ADAMTS3: variants seen among roughly 807,000 people sequenced by gnomAD.
ADAMTS3 encodes ADAM metallopeptidase with thrombospondin type 1 motif 3, also known as A disintegrin and metalloproteinase with thrombospondin motifs 3.
ADAMTS3 carries 73 observed loss-of-function variants against 129.0 expected under a neutral mutation model. That is an observed-to-expected ratio of 0.57 (90% CI 0.47 to 0.69). The LOEUF (loss-of-function observed/expected upper bound fraction) is 0.69. Among genes scored for constraint, ADAMTS3 ranks in the 30% least tolerant of loss-of-function variants. The pLI, the probability that ADAMTS3 is intolerant of heterozygous loss-of-function variation, is 0.00. For synonymous variants in ADAMTS3, 477 were observed against 510.8 expected (o/e 0.93, Z 0.89); for missense variants, 1,457 against 1,514.5 (o/e 0.96, Z 0.63).
chr4:72,298,473 C>A, intron 17 of ADAMTS3, 31 bp from the exon 18 acceptor site: 1 of 1,498,848 alleles, frequency 6.7e-7, no homozygotes, highest in South Asian at 1.4e-5. Context: ...ATATGTAAAT[C>A]ACCTGAGGGT....
chr4:72,465,379 G>A (rs1718890644), intron 3 of ADAMTS3, among the ~76,000 whole-genome samples: 1 of 151,992 alleles, frequency 6.6e-6, no homozygotes, highest in African/African-American at 2.4e-5. Context: ...AAGGCTAGAG[G>A]CCAGTCTTTA....
At chr4:72,464,778 T>A (rs1268168609) in intron 3 of ADAMTS3, among the ~76,000 whole-genome samples, 1 of 152,074 alleles carries the variant, frequency 6.6e-6, no homozygotes, top group African/African-American at 2.4e-5. Flanking sequence ...CAAAATTCTA[T>A]GAGATAGTTT....
intron 4 of ADAMTS3, among the ~76,000 whole-genome samples, chr4:72,352,745 T>C (rs1017646886): frequency 1.3e-5 from 2 of 151,988 alleles, no homozygotes; most frequent in African/African-American, 4.8e-5. Flanking sequence ...TTTTAAAAGA[T>C]GCACAGATAT....
chr4:72,371,325 T>C (rs540873748), intron 4 of ADAMTS3, among the ~76,000 whole-genome samples: 1 of 152,236 alleles, frequency 6.6e-6, no homozygotes, highest in South Asian at 2.1e-4. Context: ...ACTGTCATGC[T>C]GCATAAGAAG....
chr4:72,447,975 C>T (rs964132465), intron 3 of ADAMTS3, among the ~76,000 whole-genome samples: 1 of 151,670 alleles, frequency 6.6e-6, no homozygotes, highest in African/African-American at 2.4e-5. Flanking sequence ...TTTTTTTATA[C>T]TGAGTAGATA....
At chr4:72,351,202 G>A (rs536166665) in intron 4 of ADAMTS3, among the ~76,000 whole-genome samples, 2 of 152,104 alleles carry the variant, frequency 1.3e-5, no homozygotes, top group South Asian at 4.1e-4. Context: ...TAAAGCAAGA[G>A]AGTAAATGCA....
chr4:72,461,316 T>C (rs1363553000), intron 3 of ADAMTS3, among the ~76,000 whole-genome samples: 1 of 151,702 alleles, frequency 6.6e-6, no homozygotes, highest in East Asian at 1.9e-4. Flanking sequence ...GAGAAGAATA[T>C]TTGGTAGTTA....
At position 72,559,684 on chromosome 4, in the gene ADAMTS3, T is replaced by C. The variant is rs950475954; in HGVS notation, c.97+7690A>G. 2.6e-5 allele frequency among the ~76,000 whole-genome samples: 4 copies of C among 151,786 alleles called. 1 individual carries two copies. The highest frequency in any genetic ancestry group is 7.3e-5 in the African/African-American group (3 of 41,074). On this transcript the variant is annotated intron_variant, in intron 2 of 21. Coordinates refer to ENST00000286657, the MANE Select transcript of ADAMTS3 (RefSeq NM_014243.3). The stretch of plus-strand genomic sequence containing the variant: ...CAAGTCAAAGACACACTAATAACAA[T>C]AGTTATGATTCTATCTTGTTTACAG...
intron 2 of ADAMTS3, 139 bp from the exon 3 acceptor site, chr4:72,549,023 T>C (rs1721543876): frequency 1.4e-6 from 1 of 692,074 alleles, no homozygotes; most frequent in Non-Finnish European, 2.2e-6. Context: ...AGCTCATAAA[T>C]ATTAAATTTT....
intron 3 of ADAMTS3, among the ~76,000 whole-genome samples, chr4:72,481,493 T>C (rs1023475753): frequency 6.6e-6 from 1 of 152,126 alleles, no homozygotes; most frequent in Non-Finnish European, 1.5e-5. Context: ...TGACTCTCCA[T>C]AGACAAAAGA....
chr4:72,530,864 T>C (rs944522230), intron 3 of ADAMTS3, among the ~76,000 whole-genome samples: 1 of 130,766 alleles, frequency 7.6e-6, no homozygotes, highest in Non-Finnish European at 1.5e-5. Context: ...TTTTATATGA[T>C]ATATATTATA....
chr4:72,426,650 A>G (rs947851405), intron 3 of ADAMTS3, among the ~76,000 whole-genome samples: 6 of 152,136 alleles, frequency 3.9e-5, no homozygotes, highest in African/African-American at 1.4e-4. Flanking sequence ...ACAGTGAGAG[A>G]CCAAGGATGG....
intron 3 of ADAMTS3, among the ~76,000 whole-genome samples, chr4:72,516,126 T>A (rs1333822253): frequency 6.6e-6 from 1 of 152,184 alleles, no homozygotes; most frequent in Non-Finnish European, 1.5e-5. Flanking sequence ...TTCTCAGGTT[T>A]GTCTAAGATC....
intron 21 of ADAMTS3, 139 bp downstream of exon 21, chr4:72,288,612 G>C (rs1372509781): frequency 3.1e-6 from 2 of 642,346 alleles, no homozygotes; most frequent in Non-Finnish European, 5.7e-6. Context: ...AACTGAACTG[G>C]ACTAATATTT....
chr4:72,417,641 CTT>C (rs1408017674), intron 3 of ADAMTS3, among the ~76,000 whole-genome samples: 1 of 151,888 alleles, frequency 6.6e-6, no homozygotes, highest in East Asian at 1.9e-4. Context: ...AAAGAAAGTA[CTT>C]ATATAGGCTG....
chr4:72,565,496 T>C (rs938939), intron 2 of ADAMTS3, among the ~76,000 whole-genome samples: 146,383 of 152,286 alleles, frequency 0.96, 70,625 homozygotes, highest in East Asian at 1. Flanking sequence ...TTACATATGA[T>C]ACATAAACCA....
chr4:72,539,586 T>C (rs1393110447), intron 3 of ADAMTS3, among the ~76,000 whole-genome samples: 1 of 150,312 alleles, frequency 6.7e-6, no homozygotes, highest in Non-Finnish European at 1.5e-5. Flanking sequence ...GAATGTAAAA[T>C]GGTATAGCTA....
intron 3 of ADAMTS3, among the ~76,000 whole-genome samples, chr4:72,507,812 C>G (rs767611019): frequency 4.6e-5 from 7 of 152,188 alleles, no homozygotes; most frequent in African/African-American, 1.4e-4. Flanking sequence ...CCTCCACAGG[C>G]TATCTGTCTA....
intron 4 of ADAMTS3, among the ~76,000 whole-genome samples, chr4:72,366,419 A>G (rs1720870122): frequency 6.6e-6 from 1 of 152,134 alleles, no homozygotes; most frequent in African/African-American, 2.4e-5. Context: ...ATACAGTTTA[A>G]TCTAGTTTTC....
Sources: gnomAD v4.1 joint callset for allele counts (sites outside exome capture counted in the v4.1 genomes callset) on GRCh38, gnomAD v4.1.1 for gene constraint, MANE v1.5 for transcripts, NCBI Gene and HGNC (gene_info 2026-07-23, HGNC 2026-07-21) for gene names.